RPL4: variants seen among roughly 807,000 people sequenced by gnomAD.
RPL4 encodes the protein large ribosomal subunit protein uL4.
RPL4 carries 3 observed loss-of-function variants against 47.7 expected under a neutral mutation model. The ratio of observed to expected loss-of-function variants is 0.06; its 90% CI spans 0.03 to 0.16. The LOEUF (loss-of-function observed/expected upper bound fraction) is 0.16, where lower values mean the gene tolerates loss of function less well. RPL4 is among the 10% of genes least tolerant of loss of function. The pLI, the probability that RPL4 is intolerant of heterozygous loss-of-function variation, is 1.00. For missense variants in RPL4, 413 were observed against 551.3 expected (o/e 0.75, Z 2.51); for synonymous variants, 208 against 182.1 (o/e 1.14, Z -1.15).
At chr15:66,502,973 A>G (rs1048400485) in intron 3 of RPL4, 85 bp downstream of exon 3, 16 of 1,376,098 alleles carry the variant, frequency 1.2e-5, no homozygotes, top group Non-Finnish European at 1.7e-5. Context: ...TAATATTTTT[A>G]CACCGTATTA....
chr15:66,501,171 G>T, intron 6 of RPL4, 66 bp from the exon 7 acceptor site: 1 of 1,581,856 alleles, frequency 6.3e-7, no homozygotes, highest in Non-Finnish European at 8.7e-7. Flanking sequence ...TCATCTTTAT[G>T]GCTTAAGAGC....
In RPL4 at chr15:66,502,683, G is replaced by A; in HGVS notation, c.350C>T (p.Thr117Ile). 1 of 1,613,888 alleles carries A rather than the reference G, an allele frequency of 6.2e-7. No homozygotes were observed. The highest frequency in any genetic ancestry group is 8.5e-7 in the Non-Finnish European group (1 of 1,179,902). The change falls in exon 4 of 10, where the codon ACA (threonine) becomes ATA (isoleucine). Residue 117 changes from threonine (T) to isoleucine (I), a missense_variant. Transcript: ENST00000307961. ...TWRRWHRRVN[T>I]TQKRYAICSA... ...ACAGATGGCGTATCGTTTTTGGGTT[G>A]TGTTCACTCTACGATGCCAACGGCG...
rs1412514873 is a variant in RPL4 at position 66,498,015 on chromosome 15, T to C, written c.*1392A>G. On this transcript the variant is annotated 3_prime_UTR_variant, in exon 10 of 10. Coordinates refer to ENST00000307961, the MANE Select transcript of RPL4 (RefSeq NM_000968.4). The stretch of plus-strand genomic sequence containing the variant: ...GAGCTGTAAAGAACCTGAAGAAATC[T>C]TGGGTTTGGCTATCCTTTAATCCGA... 2 of 447,802 alleles carry C rather than the reference T, an allele frequency of 4.5e-6. No homozygotes were observed. Among genetic ancestry groups the C allele is most frequent in the African/African-American group, 4.0e-5 (2 of 50,372 alleles). The allele number at this position is 447,802 out of a possible 1,614,324, so 27.7% of individuals were successfully genotyped here.
chr15:66,499,571 T>G lies in RPL4; in HGVS notation c.1120A>C (p.Lys374Gln). ...KSDEKAAVAGKKPVVGKKGKK... is the reference protein window; with the variant it reads ...KSDEKAAVAGQKPVVGKKGKK... Reference sequence around the variant, plus strand: ...CCTTTCTTACCTACCACAGGCTTCTTGCCTGCAACCGCCGCCTTCTCATCT... The same window carrying G: ...CCTTTCTTACCTACCACAGGCTTCTGGCCTGCAACCGCCGCCTTCTCATCT... Residue 374 changes from lysine (K) to glutamine (Q), a missense_variant, in exon 10 of 10, where the codon AAG (lysine) becomes CAG (glutamine). Transcript: ENST00000307961. 1 of 1,613,882 alleles carries G rather than the reference T, an allele frequency of 6.2e-7. No homozygotes were observed. Among genetic ancestry groups the G allele is most frequent in the South Asian group, 1.1e-5 (1 of 91,068 alleles).
At position 66,500,091 on chromosome 15, in the gene RPL4, T is replaced by G. The variant is rs139349583; in HGVS notation, c.1003A>C (p.Met335Leu). The G allele has an allele frequency of 2.5e-6, 4 of 1,612,228 alleles. No homozygotes were observed. The African/African-American group carries it at 5.3e-5, about 22-fold the overall frequency. The change falls in exon 9 of 10, where the codon ATG becomes CTG. Residue 335 changes from methionine (M) to leucine (L), a missense_variant. By Grantham distance (15) the Met-to-Leu change is conservative (BLOSUM62 2). Transcript: ENST00000307961. ...MLKLNPYAKT[M>L]RRNTILRQAR... ...TGGCGAAGAATGGTGTTCCGGCGCA[T>G]GGTCTTTGCATATGGGTTTAGCTTC...
chr15:66,504,342 C>T (rs1182148451), intron 1 of RPL4, among the ~76,000 whole-genome samples: 2 of 152,152 alleles, frequency 1.3e-5, no homozygotes, highest in Admixed American at 6.5e-5. Context: ...TATACGAACA[C>T]TATTTGTGGA....
chr15:66,500,696 T>C (rs1244759027), intron 7 of RPL4: 2 of 551,278 alleles, frequency 3.6e-6, no homozygotes, highest in East Asian at 6.4e-5. Context: ...ACAGGAGAAC[T>C]GCTTGAACCC....
At position 66,504,831 on chromosome 15, in the gene RPL4, G is replaced by A. The variant is rs766088917; in HGVS notation, c.-41C>T. On this transcript the variant is annotated 5_prime_UTR_variant, in exon 1 of 10. Transcript: ENST00000307961. ...CAGCCACGCTCCTCTCAGCCCGGCTGCTGCCACAGGAAAAGGAAGTGCTTA... is the reference window on the plus strand; with the variant it reads ...CAGCCACGCTCCTCTCAGCCCGGCTACTGCCACAGGAAAAGGAAGTGCTTA... 3.7e-6 allele frequency: 6 copies of A among 1,607,710 alleles called. No individual in the cohort carries two copies. The South Asian group carries it at 4.4e-5, about 12-fold the overall frequency.
At chr15:66,502,851 A>G in intron 3 of RPL4, 101 bp from the exon 4 acceptor site, 1 of 1,561,712 alleles carries the variant, frequency 6.4e-7, no homozygotes, top group Non-Finnish European at 8.8e-7. Flanking sequence ...GTACCAGCTT[A>G]CTGACAGCAG....
intron 7 of RPL4, chr15:66,500,579 A>T: frequency 1.7e-6 from 1 of 585,370 alleles, no homozygotes; most frequent in Non-Finnish European, 3.0e-6. Flanking sequence ...GGATCACCTA[A>T]GGTCAGGAGT....
Position 66,500,185 on chromosome 15 carries a change from AAGC to A in RPL4, c.918-12_918-10del. On this transcript the variant is annotated splice_polypyrimidine_tract_variant and intron_variant, in intron 8 of 9. Transcript: ENST00000307961. ...TGCGATGGATCTTCTTGCTATAAAA[AAGC>A]AGATACTGTATCAACATTTTACTTA... 2 of 1,613,860 alleles carry A rather than the reference AAGC, an allele frequency of 1.2e-6. No homozygotes were observed. The highest frequency in any genetic ancestry group is 1.7e-6 in the Non-Finnish European group (2 of 1,179,956).
intron 4 of RPL4, 168 bp from the exon 5 acceptor site, chr15:66,502,080 T>C (rs920075114): frequency 2.2e-6 from 2 of 924,168 alleles, no homozygotes; most frequent in Non-Finnish European, 3.5e-6. Context: ...AAGTGGAATC[T>C]CATCATTTTG....
Position 66,503,070 on chromosome 15 carries a change from A to G in RPL4, c.270T>C (p.Gly90=). 6.2e-7 allele frequency: 1 copy of G among 1,613,290 alleles called. No homozygotes were observed. The highest frequency in any genetic ancestry group is 8.5e-7 in the Non-Finnish European group (1 of 1,179,528). The change falls in exon 3 of 10, where the codon GGT becomes GGC. Residue 90 remains glycine, a synonymous_variant. Coordinates refer to ENST00000307961, the MANE Select transcript of RPL4 (RefSeq NM_000968.4). ...RGGGTHRSGQ[G]AFGNMCRGGR... ...AAACAAAGGATACGTTTCCAAAAGCACCCTGGCCAGAGCGGTGAGTCCCAC... is the reference window on the plus strand; with the variant it reads ...AAACAAAGGATACGTTTCCAAAAGCGCCCTGGCCAGAGCGGTGAGTCCCAC...
At position 66,504,563 on chromosome 15, in the gene RPL4, T is replaced by C. The variant is rs1893712365; in HGVS notation, c.3+225A>G. Among the ~76,000 whole-genome samples, 3 of 138,482 alleles carry C rather than the reference T, an allele frequency of 2.2e-5. No individual in the cohort carries two copies. In the Admixed American group the frequency reaches 2.2e-4, roughly 10 times the overall value. 90.8% of individuals were successfully genotyped at this position (138,482 alleles called of 152,430 possible). ...CTGCTCCTGAGAACGACCCAGTGCT[T>C]TCCACTACTGCTTCCCGGCGCGTCC... On this transcript the variant is annotated intron_variant, in intron 1 of 9. Transcript: ENST00000307961.
At chr15:66,500,714 G>C (rs776491982) in intron 7 of RPL4, 1 of 565,826 alleles carries the variant, frequency 1.8e-6, no homozygotes, top group Non-Finnish European at 3.1e-6. Flanking sequence ...CCCGGGAGGC[G>C]GAGGCTGCAG....
chr15:66,504,813 G>T lies in RPL4; in HGVS notation c.-23C>A, dbSNP rs146699571. 1 of 1,610,410 alleles carries T rather than the reference G, an allele frequency of 6.2e-7. No individual in the cohort carries two copies. The highest frequency in any genetic ancestry group is 1.1e-5 in the South Asian group (1 of 90,540). On this transcript the variant is annotated 5_prime_UTR_variant, in exon 1 of 10. Transcript: ENST00000307961. Reference sequence around the variant, plus strand: ...CATGGCGGAGAGAGGAGACAGCCACGCTCCTCTCAGCCCGGCTGCTGCCAC... The same window carrying T: ...CATGGCGGAGAGAGGAGACAGCCACTCTCCTCTCAGCCCGGCTGCTGCCAC...
At position 66,504,809 on chromosome 15, in the gene RPL4, C is replaced by G. The variant is rs1219777424; in HGVS notation, c.-19G>C. The G allele has an allele frequency of 4.3e-6, 7 of 1,611,126 alleles. No individual in the cohort carries two copies. The highest frequency in any genetic ancestry group is 3.3e-5 in the South Asian group (3 of 90,616). On this transcript the variant is annotated 5_prime_UTR_variant, in exon 1 of 10. Transcript: ENST00000307961. ...TCACCATGGCGGAGAGAGGAGACAG[C>G]CACGCTCCTCTCAGCCCGGCTGCTG...
chr15:66,504,675 C>G, intron 1 of RPL4, 113 bp downstream of exon 1: 1 of 1,482,420 alleles, frequency 6.7e-7, no homozygotes, highest in South Asian at 1.2e-5. Flanking sequence ...GCCTTTGGTC[C>G]TCATCTCCCT....
chr15:66,501,331 C>G, intron 6 of RPL4, 44 bp downstream of exon 6: 2 of 1,613,248 alleles, frequency 1.2e-6, no homozygotes, highest in Non-Finnish European at 1.7e-6. Flanking sequence ...GCTGAGTAGA[C>G]TTGCAGAGTA....
Sources: gnomAD v4.1 joint callset for allele counts (sites outside exome capture counted in the v4.1 genomes callset) on GRCh38, gnomAD v4.1.1 for gene constraint, MANE v1.5 for transcripts, NCBI Gene and HGNC (gene_info 2026-07-23, HGNC 2026-07-21) for gene names.